The following INAVA variants were observed in gnomAD, a reference collection of about 807,000 sequenced individuals.
The protein encoded by INAVA is innate immunity activator.
INAVA carries 32 observed loss-of-function variants against 55.3 expected under a neutral mutation model. The ratio of observed to expected loss-of-function variants is 0.58; its 90% confidence interval spans 0.44 to 0.78. INAVA has a LOEUF of 0.78. Among genes scored for constraint, INAVA ranks in the 30% least tolerant of loss-of-function variants. The pLI is 0.00. For missense variants in INAVA, 756 were observed against 786.4 expected (o/e 0.96, Z 0.46); for synonymous variants, 294 against 329.4 (o/e 0.89, Z 1.16).
chr1:200,901,281 T>A, intron 5 of INAVA, 122 bp downstream of exon 5: 1 of 971,908 alleles, frequency 1.0e-6, no homozygotes, highest in Non-Finnish European at 1.5e-6. Context: ...GATTCTTGGG[T>A]TCAGCTCCAC....
chr1:200,913,187 C>T (rs911102683), intron 9 of INAVA, among the ~76,000 whole-genome samples: 2 of 152,198 alleles, frequency 1.3e-5, no homozygotes, highest in African/African-American at 2.4e-5. Context: ...CTCCAGCTGA[C>T]GTGCTTTTCC....
chr1:200,891,725 C>T (rs1307522407), upstream of INAVA: 6 of 1,434,670 alleles, frequency 4.2e-6, no homozygotes, highest in Non-Finnish European at 4.6e-6. Flanking sequence ...CTTCGGGGCA[C>T]CCAGTGCGGG....
chr1:200,903,592 G>A (rs1183677692), intron 5 of INAVA, among the ~76,000 whole-genome samples: 4 of 151,612 alleles, frequency 2.6e-5, no homozygotes, highest in Non-Finnish European at 1.5e-5. Flanking sequence ...ATCACTTGAG[G>A]TCGGGAGTTC....
chr1:200,898,270 C>T (rs1466732081), intron 1 of INAVA, 37 bp from the exon 2 acceptor site: 1 of 1,598,924 alleles, frequency 6.3e-7, no homozygotes, highest in Non-Finnish European at 8.5e-7. Flanking sequence ...TGGTTCATAT[C>T]TAGCTTTTTT....
chr1:200,909,289 C>A lies in INAVA; in HGVS notation c.851C>A (p.Ser284Tyr), dbSNP rs1408596809. Reference protein sequence around the residue: ...ASSLWLLEPASYHVVPIRGVP... With the variant: ...ASSLWLLEPAYYHVVPIRGVP... ...AGCCTGTGGCTTCTGGAGCCTGCCT[C>A]CTACCACGTGGTTCCCATCCGTGGT... The change falls in exon 8 of 10, where the codon TCC becomes TAC. Residue 284 changes from serine (S) to tyrosine (Y), a missense_variant. This residue lies in a region of INAVA where 639 missense variants were observed against 624.3 expected (regional missense o/e 1.02). Transcript: ENST00000413687. 1 of 1,611,194 alleles carries A rather than the reference C, an allele frequency of 6.2e-7. No individual in the cohort carries two copies. The highest frequency in any genetic ancestry group is 2.2e-5 in the East Asian group (1 of 44,768).
intron 1 of INAVA, among the ~76,000 whole-genome samples, chr1:200,896,804 C>T (rs1052235449): frequency 1.3e-5 from 2 of 152,238 alleles, no homozygotes; most frequent in Non-Finnish European, 2.9e-5. Context: ...TTCCCAAGGC[C>T]GACTTTTCTG....
At chr1:200,912,167 C>G (rs1382108174) in intron 9 of INAVA, 30 bp downstream of exon 9, 25 of 1,523,498 alleles carry the variant, frequency 1.6e-5, no homozygotes, top group Non-Finnish European at 1.7e-5. Flanking sequence ...ACCCCGGGGC[C>G]AGGCAGGAGG....
chr1:200,907,792 T>G (rs1383522876), intron 5 of INAVA, 42 bp from the exon 6 acceptor site: 1 of 1,577,172 alleles, frequency 6.3e-7, no homozygotes, highest in African/African-American at 1.3e-5. Context: ...TGTTTGTTCA[T>G]TTCTTCACTT....
chr1:200,897,210 T>C (rs1259821201), intron 1 of INAVA, among the ~76,000 whole-genome samples: 1 of 152,202 alleles, frequency 6.6e-6, no homozygotes, highest in Non-Finnish European at 1.5e-5. Flanking sequence ...GGTGATCTCC[T>C]TTCTGTCCTT....
upstream of INAVA, among the ~76,000 whole-genome samples, chr1:200,892,998 T>A (rs1431057391): frequency 2.0e-5 from 3 of 152,202 alleles, no homozygotes; most frequent in Non-Finnish European, 4.4e-5. Flanking sequence ...TCATTGGCAT[T>A]AGGCATCTGT....
At chr1:200,895,941 T>C (rs959726358) in intron 1 of INAVA, among the ~76,000 whole-genome samples, 18 of 152,118 alleles carry the variant, frequency 1.2e-4, no homozygotes, top group African/African-American at 3.4e-4. Flanking sequence ...TTTGCTCTAC[T>C]TGGGGCAGCA....
upstream of INAVA, chr1:200,891,603 G>A (rs141245080): frequency 1.8e-3 from 2,857 of 1,562,954 alleles, 43 homozygotes; most frequent in African/African-American, 0.033. Context: ...GGGAGGCTCG[G>A]GGGGAGGGAA....
Position 200,901,054 on chromosome 1 carries a change from T to C in INAVA, c.415T>C (p.Ser139Pro), listed in dbSNP as rs1653232842. The change falls in exon 5 of 10, where the codon TCC becomes CCC. Residue 139 changes from serine to proline, a missense_variant. Ser to Pro is a moderately conservative substitution (Grantham distance 74, BLOSUM62 -1). Transcript: ENST00000413687. ...GCAGGCTCGGCGGCAGCGGAAGCAC[T>C]CCATGCTGCAGGAGGAGAAGAAGCT... is the stretch of plus-strand genomic sequence containing the variant. Reference protein sequence around the residue: ...SRQARRQRKHSMLQEEKKLQE... With the variant: ...SRQARRQRKHPMLQEEKKLQE... 3 of 1,545,366 alleles carry C rather than the reference T, an allele frequency of 1.9e-6. No individual in the cohort carries two copies. Among genetic ancestry groups the C allele is most frequent in the Non-Finnish European group, 1.7e-6 (2 of 1,146,506 alleles).
At chr1:200,912,783 C>T (rs1653803920) in intron 9 of INAVA, among the ~76,000 whole-genome samples, 1 of 152,090 alleles carries the variant, frequency 6.6e-6, no homozygotes, top group Non-Finnish European at 1.5e-5. Flanking sequence ...ATAGGGCTGC[C>T]AAGAGGCTGA....
rs1231585167 is a variant in INAVA, at chr1:200,900,822, T to C, written c.298-115T>C. 7 of 744,796 alleles carry C rather than the reference T, an allele frequency of 9.4e-6. No homozygotes were observed. In the Admixed American group the frequency reaches 2.2e-4, roughly 23 times the overall value. 46.1% of individuals were successfully genotyped at this position (744,796 alleles called of 1,614,324 possible). On this transcript the variant is annotated intron_variant, in intron 4 of 9. Coordinates refer to ENST00000413687, the MANE Select transcript of INAVA (RefSeq NM_001142569.3). ...CATTGGTGCTGCTGTCTGCCTCTCT[T>C]CTGTCCTCAGGGCTTAGGACTGGGA...
intron 1 of INAVA, among the ~76,000 whole-genome samples, chr1:200,896,764 C>A (rs1003357831): frequency 6.6e-6 from 1 of 152,262 alleles, no homozygotes; most frequent in Admixed American, 6.5e-5. Context: ...GCAGTCCCCT[C>A]TCCCTGTTGG....
chr1:200,896,448 G>A (rs1278719802), intron 1 of INAVA, among the ~76,000 whole-genome samples: 1 of 152,134 alleles, frequency 6.6e-6, no homozygotes, highest in East Asian at 1.9e-4. Context: ...ACAGTGCAGA[G>A]CTAATAGTCA....
chr1:200,894,007 G>T (rs780542261), upstream of INAVA, among the ~76,000 whole-genome samples: 1 of 152,188 alleles, frequency 6.6e-6, no homozygotes, highest in Non-Finnish European at 1.5e-5. Context: ...GCCTGCTGGG[G>T]ACAGGCCAGG....
In INAVA at chr1:200,913,522, T is replaced by A; in HGVS notation, c.1645-15T>A. 1 of 1,612,560 alleles carries A rather than the reference T, an allele frequency of 6.2e-7. No homozygotes were observed. On this transcript the variant is annotated splice_polypyrimidine_tract_variant and intron_variant, in intron 9 of 9. Transcript: ENST00000413687. ...GTTCATTTACCCACCTGTCCTTTCT[T>A]CCTGACCCTGGCAGGTGCCCACAGT...
Sources: allele counts gnomAD v4.1 joint callset (sites outside exome capture counted in the v4.1 genomes callset), GRCh38; gene constraint gnomAD v4.1.1; regional missense constraint gnomAD v4.1.1; transcripts MANE v1.5; gene names NCBI Gene and HGNC (gene_info 2026-07-23, HGNC 2026-07-21).